SORCS3: variants seen among roughly 807,000 people sequenced by gnomAD.
The protein encoded by SORCS3 is VPS10 domain-containing receptor SorCS3.
SORCS3 carries 57 observed loss-of-function variants against 146.3 expected under a neutral mutation model. The observed-to-expected ratio is 0.39, with a 90% CI of 0.31 to 0.49. The LOEUF is 0.49. Ranked by LOEUF, SORCS3 falls within the 20% of genes least tolerant of loss-of-function variation. The pLI is 0.92. For missense variants in SORCS3, 1,341 were observed against 1,575.5 expected, an observed-to-expected ratio of 0.85 and a Z score of 2.52; for synonymous variants, 653 against 618.5, an observed-to-expected ratio of 1.06 and a Z score of -0.83.
At chr10:105,099,966 C>T (rs572303310) in intron 6 of SORCS3, among the ~76,000 whole-genome samples, 2 of 152,288 alleles carry the variant, frequency 1.3e-5, no homozygotes, top group East Asian at 1.9e-4. Context: ...CTTCTCTATA[C>T]CCCTTGAGCC....
chr10:104,721,918 T>C (rs2133445604), intron 1 of SORCS3, among the ~76,000 whole-genome samples: 1 of 152,336 alleles, frequency 6.6e-6, no homozygotes, highest in Non-Finnish European at 1.5e-5. Flanking sequence ...TCATGTCATC[T>C]GCAAACAGGA....
intron 2 of SORCS3, among the ~76,000 whole-genome samples, chr10:104,891,188 T>A (rs1032050756): frequency 6.6e-6 from 1 of 152,206 alleles, no homozygotes; most frequent in African/African-American, 2.4e-5. Flanking sequence ...CCATGACTTA[T>A]GAGGGTTGCC....
intron 1 of SORCS3, among the ~76,000 whole-genome samples, chr10:104,724,871 A>G (rs1838682514): frequency 6.6e-6 from 1 of 151,984 alleles, no homozygotes; most frequent in Non-Finnish European, 1.5e-5. Flanking sequence ...CTAGTTAGCC[A>G]TTCGTCTAAT....
At chr10:105,030,478 A>G (rs982566939) in intron 4 of SORCS3, among the ~76,000 whole-genome samples, 2 of 152,228 alleles carry the variant, frequency 1.3e-5, no homozygotes, top group African/African-American at 4.8e-5. Flanking sequence ...GCTCCTGCAC[A>G]AAACAGGGAA....
At chr10:105,251,874 G>T (rs1386644686) in intron 22 of SORCS3, among the ~76,000 whole-genome samples, 1 of 151,998 alleles carries the variant, frequency 6.6e-6, no homozygotes, top group African/African-American at 2.4e-5. Context: ...TTAGTATTTT[G>T]TTATTTTTTT....
At chr10:104,835,922 A>C (rs370291621) in intron 1 of SORCS3, among the ~76,000 whole-genome samples, 4 of 152,176 alleles carry the variant, frequency 2.6e-5, no homozygotes, top group East Asian at 3.8e-4. Flanking sequence ...GTGGCAGGGA[A>C]AGTGTACCAT....
chr10:104,799,503 A>G (rs965315713), intron 1 of SORCS3, among the ~76,000 whole-genome samples: 2 of 151,770 alleles, frequency 1.3e-5, no homozygotes, highest in East Asian at 2.0e-4. Context: ...ATGAAAACAC[A>G]TGGACACAGG....
chr10:105,044,924 A>ATTTGT (rs2055359111), intron 5 of SORCS3, among the ~76,000 whole-genome samples: 1 of 149,558 alleles, frequency 6.7e-6, no homozygotes, highest in African/African-American at 2.5e-5. Flanking sequence ...AAAAGGAAAT[A>ATTTGT]TTTGTTTTTC....
rs546147623 is a variant in SORCS3 at position 105,240,649 on chromosome 10, T to A, written c.2869-4893T>A. 4.1e-4 allele frequency among the ~76,000 whole-genome samples: 63 copies of A among 152,334 alleles called. No individual in the cohort carries two copies. The South Asian group carries it at 0.011, about 26-fold the overall frequency. Reference sequence around the variant, plus strand: ...TCATTAACCGTAGTTGAATTTTTTTTATACTTTTAGCCCTGTGGGGGTATA... The same window carrying A: ...TCATTAACCGTAGTTGAATTTTTTTAATACTTTTAGCCCTGTGGGGGTATA... On this transcript the variant is annotated intron_variant, in intron 20 of 26. Coordinates refer to ENST00000369701, the MANE Select transcript of SORCS3 (RefSeq NM_014978.3).
chr10:104,683,312 T>C (rs773737872), intron 1 of SORCS3, among the ~76,000 whole-genome samples: 1 of 152,220 alleles, frequency 6.6e-6, no homozygotes, highest in Non-Finnish European at 1.5e-5. Flanking sequence ...CAGGATACAC[T>C]TCTCAGGGCT....
intron 20 of SORCS3, among the ~76,000 whole-genome samples, chr10:105,242,746 ATATATATTTATATTTTATATATTT>A (rs2056840522): frequency 9.9e-6 from 1 of 101,016 alleles, no homozygotes; most frequent in African/African-American, 4.2e-5. Flanking sequence ...TTATATATTT[ATATATATTTATATTTTATATATTT>A]TATATATTTA....
At chr10:104,734,531 C>T (rs943063804) in intron 1 of SORCS3, among the ~76,000 whole-genome samples, 6 of 152,226 alleles carry the variant, frequency 3.9e-5, no homozygotes, top group Admixed American at 3.3e-4. Context: ...GTACCAAGAG[C>T]ACAGACGACA....
At chr10:104,840,591 A>C (rs1023827345) in intron 1 of SORCS3, among the ~76,000 whole-genome samples, 5 of 152,212 alleles carry the variant, frequency 3.3e-5, no homozygotes, top group Admixed American at 3.3e-4. Flanking sequence ...AGAATATCAT[A>C]GTCATTTAAT....
At chr10:104,912,185 G>C (rs1467293413) in intron 2 of SORCS3, among the ~76,000 whole-genome samples, 1 of 152,106 alleles carries the variant, frequency 6.6e-6, no homozygotes, top group African/African-American at 2.4e-5. Flanking sequence ...TCTAAAAGTG[G>C]CTTGTGCAGG....
chr10:105,183,996 C>T (rs184625089), intron 14 of SORCS3, among the ~76,000 whole-genome samples: 34 of 152,254 alleles, frequency 2.2e-4, no homozygotes, highest in Admixed American at 2.6e-4. Context: ...TCTGAGCTCC[C>T]GTTTCCTCAT....
In SORCS3 at chr10:105,158,878, T is replaced by C; in HGVS notation, c.1630-14T>C. On this transcript the variant is annotated splice_polypyrimidine_tract_variant and intron_variant, in intron 10 of 26. Coordinates refer to ENST00000369701, the MANE Select transcript of SORCS3 (RefSeq NM_014978.3). ...GAATTTCCTAGAATGAAACTATTTC[T>C]TTCTCCATTTTAGCCCTTCTGTTCC... is the stretch of plus-strand genomic sequence containing the variant. 1 of 1,589,332 alleles carries C rather than the reference T, an allele frequency of 6.3e-7. No individual in the cohort carries two copies. Among genetic ancestry groups the C allele is most frequent in the Non-Finnish European group, 8.6e-7 (1 of 1,158,168 alleles).
At chr10:104,955,035 A>T (rs2019472333) in intron 3 of SORCS3, among the ~76,000 whole-genome samples, 1 of 152,218 alleles carries the variant, frequency 6.6e-6, no homozygotes, top group African/African-American at 2.4e-5. Flanking sequence ...ATTAACTATT[A>T]ACTAAAATTA....
chr10:104,751,365 T>C (rs527992680), intron 1 of SORCS3, among the ~76,000 whole-genome samples: 29 of 152,298 alleles, frequency 1.9e-4, no homozygotes, highest in African/African-American at 6.3e-4. Flanking sequence ...AGGTGTGTCC[T>C]GAAATGGGGA....
At chr10:104,797,313 A>G (rs2017568021) in intron 1 of SORCS3, among the ~76,000 whole-genome samples, 2 of 152,228 alleles carry the variant, frequency 1.3e-5, no homozygotes. Context: ...TGTTAAATCA[A>G]AATGGAGTAA....
Sources: allele counts gnomAD v4.1 joint callset (sites outside exome capture counted in the v4.1 genomes callset), GRCh38; gene constraint gnomAD v4.1.1; transcripts MANE v1.5; gene names NCBI Gene and HGNC (gene_info 2026-07-23, HGNC 2026-07-21).